Variants in MEI1 observed in about 807,000 individuals in gnomAD.
The protein encoded by MEI1 is meiosis inhibitor protein 1.
A neutral mutation model predicts 146.2 loss-of-function variants in MEI1; 103 were observed. That is an observed-to-expected ratio of 0.70 (90% CI 0.60 to 0.83). The LOEUF is 0.83. Among genes scored for constraint, MEI1 ranks in the 40% least tolerant of loss-of-function variants. The probability of loss-of-function intolerance (pLI) is 0.00; values close to 1 mark genes in which losing one functional copy is unlikely to be tolerated. For missense variants in MEI1, 1,529 were observed against 1,533.0 expected (o/e 1.00, Z 0.04); for synonymous variants, 652 against 628.2 (o/e 1.04, Z -0.57).
intron 13 of MEI1, among the ~76,000 whole-genome samples, chr22:41,745,277 G>A (rs749130349): frequency 1.1e-4 from 16 of 152,118 alleles, no homozygotes. Context: ...CCTTCCTCAT[G>A]GAGTTTTTGC....
intron 9 of MEI1, among the ~76,000 whole-genome samples, chr22:41,730,923 A>T (rs1301929640): frequency 6.6e-6 from 1 of 152,190 alleles, no homozygotes; most frequent in African/African-American, 2.4e-5. Context: ...CAACAACTCT[A>T]AACAGTGTTA....
At chr22:41,729,202 A>ATGTGCC (rs1236281449) in intron 7 of MEI1, among the ~76,000 whole-genome samples, 1 of 148,182 alleles carries the variant, frequency 6.7e-6, no homozygotes, top group African/African-American at 2.5e-5. Context: ...GCATGGTAGC[A>ATGTGCC]TGTGCCTGTA....
At chr22:41,791,338 AT>A (rs1209362880) in intron 26 of MEI1, among the ~76,000 whole-genome samples, 1 of 152,160 alleles carries the variant, frequency 6.6e-6, no homozygotes, top group Non-Finnish European at 1.5e-5. Context: ...AATACAAAAA[AT>A]TAGCTGGACG....
chr22:41,757,793 G>T (rs567605222), intron 17 of MEI1, among the ~76,000 whole-genome samples: 55 of 152,240 alleles, frequency 3.6e-4, no homozygotes, highest in Middle Eastern at 3.4e-3. Flanking sequence ...TAGGGCCTGG[G>T]TCTCACAGCC....
chr22:41,709,949 T>C (rs1241207290), intron 3 of MEI1, among the ~76,000 whole-genome samples: 1 of 152,128 alleles, frequency 6.6e-6, no homozygotes, highest in Non-Finnish European at 1.5e-5. Flanking sequence ...ATAGGATATG[T>C]TGTGGGCTAA....
chr22:41,778,970 T>C (rs1175171238), intron 22 of MEI1, 158 bp downstream of exon 22: 5 of 582,698 alleles, frequency 8.6e-6, no homozygotes, highest in Non-Finnish European at 1.2e-5. Context: ...CTAAAGGACC[T>C]CTCAGGGCTT....
intron 22 of MEI1, among the ~76,000 whole-genome samples, chr22:41,780,181 A>G (rs2075681535): frequency 6.6e-6 from 1 of 152,200 alleles, no homozygotes; most frequent in Admixed American, 6.5e-5. Context: ...TCTGACAGGG[A>G]GTAACAGGCT....
intron 11 of MEI1, among the ~76,000 whole-genome samples, chr22:41,737,940 CATATTT>C (rs1197591677): frequency 1.3e-5 from 2 of 152,268 alleles, no homozygotes; most frequent in African/African-American, 4.8e-5. Flanking sequence ...CGAGGAAACC[CATATTT>C]ATAGAGTAAC....
At chr22:41,718,406 G>A (rs973181117) in intron 6 of MEI1, 132 bp downstream of exon 6, 4 of 751,010 alleles carry the variant, frequency 5.3e-6, no homozygotes, top group East Asian at 5.4e-5. Context: ...AGGCTTGAGA[G>A]ATAAGAGACA....
intron 24 of MEI1, among the ~76,000 whole-genome samples, chr22:41,783,137 C>G (rs2075824851): frequency 6.6e-6 from 1 of 151,966 alleles, no homozygotes. Flanking sequence ...AGCTATGCTC[C>G]TTCACATTGC....
In MEI1 at chr22:41,730,562, G is replaced by C. The variant is rs748412324; in HGVS notation, c.1021G>C (p.Val341Leu). ...EHLSSSSEVL[V>L]WSSCNCLTLL... ...TCTTTCTTCTTCCAGTGAAGTGCTC[G>C]TCTGGTCCAGCTGTAACTGCTTGAC... The change falls in exon 9 of 31, where the codon GTC becomes CTC. Residue 341 changes from valine (V) to leucine (L), a missense_variant. Around this residue, in one of 3 missense-constraint regions of MEI1, gnomAD observed 1,212 missense variants for 1,178.9 expected, o/e 1.03. Coordinates refer to ENST00000401548, the MANE Select transcript of MEI1 (RefSeq NM_152513.4). 3.1e-6 allele frequency: 5 copies of C among 1,613,632 alleles called. No homozygotes were observed. Among genetic ancestry groups the C allele is most frequent in the Admixed American group, 1.7e-5 (1 of 59,970 alleles).
chr22:41,721,960 C>A (rs5758435), intron 6 of MEI1: 2 of 150,036 alleles, frequency 1.3e-5, no homozygotes, highest in African/African-American at 4.9e-5. Flanking sequence ...ACCTCGTGAT[C>A]TGCCTGCCTC....
chr22:41,764,182 A>T (rs992597435), intron 19 of MEI1, among the ~76,000 whole-genome samples: 1 of 152,076 alleles, frequency 6.6e-6, no homozygotes, highest in Non-Finnish European at 1.5e-5. Flanking sequence ...GGATGGTCTC[A>T]ATCTCCTGAC....
intron 18 of MEI1, among the ~76,000 whole-genome samples, chr22:41,760,601 AG>A (rs2074420351): frequency 6.6e-6 from 1 of 152,194 alleles, no homozygotes; most frequent in Admixed American, 6.5e-5. Flanking sequence ...GAATTGTAGA[AG>A]GAAGGGCTTT....
At chr22:41,743,292 G>A (rs756850881) in intron 12 of MEI1, 98 bp downstream of exon 12, 206 of 812,876 alleles carry the variant, frequency 2.5e-4, no homozygotes, top group Non-Finnish European at 3.9e-4. Flanking sequence ...GCTATTTCAT[G>A]ACTTTTTCTC....
At chr22:41,763,059 T>C in intron 18 of MEI1, 115 bp from the exon 19 acceptor site, 1 of 1,071,310 alleles carries the variant, frequency 9.3e-7, no homozygotes, top group South Asian at 1.5e-5. Context: ...GTCATTAGGC[T>C]GTGGGCATAT....
chr22:41,755,367 T>TGA (rs1178954169), intron 17 of MEI1, among the ~76,000 whole-genome samples: 3 of 152,218 alleles, frequency 2.0e-5, no homozygotes, highest in Admixed American at 6.5e-5. Context: ...GACATCATGC[T>TGA]GAGAGGGAGC....
intron 30 of MEI1, among the ~76,000 whole-genome samples, chr22:41,797,161 C>G (rs2076391500): frequency 6.6e-6 from 1 of 151,956 alleles, no homozygotes; most frequent in South Asian, 2.1e-4. Context: ...GCATGCCTGG[C>G]TAATTTTTGT....
chr22:41,783,981 C>T (rs983548996), intron 24 of MEI1, among the ~76,000 whole-genome samples: 2 of 152,230 alleles, frequency 1.3e-5, no homozygotes, highest in Admixed American at 1.3e-4. Flanking sequence ...CTGTACCTGA[C>T]TTGAGAGCCA....
Sources: gnomAD v4.1 joint callset for allele counts (sites outside exome capture counted in the v4.1 genomes callset) on GRCh38, gnomAD v4.1.1 for gene constraint, gnomAD v4.1.1 regional missense constraint, MANE v1.5 for transcripts, NCBI Gene and HGNC (gene_info 2026-07-23, HGNC 2026-07-21) for gene names.